NRXN3: variants seen among roughly 807,000 people sequenced by gnomAD.
The protein encoded by NRXN3 is neurexin III.
A neutral mutation model predicts 137.6 loss-of-function variants in NRXN3; 32 were observed. The observed-to-expected ratio is 0.23, with a 90% confidence interval of 0.18 to 0.31. NRXN3 has a LOEUF of 0.31. Among genes scored for constraint, NRXN3 ranks in the 10% least tolerant of loss-of-function variants. The probability of loss-of-function intolerance (pLI) is 1.00; values close to 1 mark genes in which losing one functional copy is unlikely to be tolerated. For synonymous variants in NRXN3, 798 were observed against 784.5 expected (o/e 1.02, Z -0.29); for missense variants, 1,574 against 2,062.5 (o/e 0.76, Z 4.59).
chr14:78,514,144 C>T (rs1025799920), intron 4 of NRXN3, among the ~76,000 whole-genome samples: 1 of 152,092 alleles, frequency 6.6e-6, no homozygotes, highest in African/African-American at 2.4e-5. Flanking sequence ...AACCAAGTGT[C>T]CAGGGTCTCC....
intron 2 of NRXN3, among the ~76,000 whole-genome samples, chr14:78,261,481 C>T (rs767313606): frequency 3.3e-5 from 5 of 152,140 alleles, no homozygotes; most frequent in Admixed American, 2.0e-4. Context: ...AAATCTATGA[C>T]CTCCAGGTAA....
intron 5 of NRXN3, among the ~76,000 whole-genome samples, chr14:78,649,579 TTA>T (rs2097720054): frequency 1.3e-5 from 2 of 150,792 alleles, no homozygotes; most frequent in South Asian, 4.3e-4. Context: ...TTTTTTTTTT[TTA>T]AATCTCTATT....
At chr14:79,629,844 CGTGT>C (rs746313928) in intron 16 of NRXN3, among the ~76,000 whole-genome samples, 14 of 113,400 alleles carry the variant, frequency 1.2e-4, no homozygotes, top group Admixed American at 1.1e-3. Context: ...TGTGTGTGTG[CGTGT>C]GTGTGTGTTA....
chr14:78,474,856 C>T (rs985307502), intron 4 of NRXN3, among the ~76,000 whole-genome samples: 6 of 152,204 alleles, frequency 3.9e-5, no homozygotes. Flanking sequence ...TTGCATCCTG[C>T]ATACATTTTA....
chr14:79,427,720 T>C (rs1326684108), intron 15 of NRXN3, among the ~76,000 whole-genome samples: 1 of 151,324 alleles, frequency 6.6e-6, no homozygotes. Context: ...TAATCCCGGC[T>C]ACTCAGGAGG....
rs149126784 is a variant in NRXN3, at chr14:79,206,998, C to A, written c.3262+218857C>A. On this transcript the variant is annotated intron_variant, in intron 15 of 20. Coordinates refer to ENST00000335750, the MANE Select transcript of NRXN3 (RefSeq NM_001330195.2). ...CAAGTTACAGATGTTAGCCTGTTCACAAACTTTCCCACATCCAGGGGCGAT... is the reference window on the plus strand; with the variant it reads ...CAAGTTACAGATGTTAGCCTGTTCAAAAACTTTCCCACATCCAGGGGCGAT... Among the ~76,000 whole-genome samples the A allele has an allele frequency of 3.9e-3, 595 of 152,298 alleles. 1 individual carries two copies. Among genetic ancestry groups the A allele is most frequent in the Non-Finnish European group, 6.2e-3 (423 of 68,032 alleles).
chr14:78,443,208 C>G (rs1284257650), intron 4 of NRXN3, among the ~76,000 whole-genome samples: 1 of 152,194 alleles, frequency 6.6e-6, no homozygotes, highest in Non-Finnish European at 1.5e-5. Flanking sequence ...TCAAGGTGTG[C>G]TCAAACTCAG....
intron 16 of NRXN3, among the ~76,000 whole-genome samples, chr14:79,646,534 T>C (rs1446342540): frequency 7.4e-6 from 1 of 135,744 alleles, no homozygotes; most frequent in Non-Finnish European, 1.7e-5. Context: ...GAGCTGGTTA[T>C]TCAGAGGCAG....
intron 12 of NRXN3, 24 bp from the exon 13 acceptor site, chr14:78,967,184 G>GTTTTTTTTTTTTTT: frequency 7.7e-6 from 11 of 1,421,226 alleles, no homozygotes; most frequent in Admixed American, 4.1e-5. Flanking sequence ...TCCAATTATT[G>GTTTTTTTTTTTTTT]TTTTTTTTTT....
At chr14:78,869,300 G>T (rs2085644212) in intron 10 of NRXN3, among the ~76,000 whole-genome samples, 1 of 152,082 alleles carries the variant, frequency 6.6e-6, no homozygotes, top group South Asian at 2.1e-4. Context: ...TCTAGGGTGA[G>T]CTCTTACTAT....
At chr14:79,738,314 G>C (rs554111863) in intron 19 of NRXN3, among the ~76,000 whole-genome samples, 2 of 66,396 alleles carry the variant, frequency 3.0e-5, no homozygotes, top group South Asian at 4.0e-4. Flanking sequence ...CATTTCCCCC[G>C]CCACACACAC....
At chr14:79,126,739 G>A (rs915048188) in intron 15 of NRXN3, among the ~76,000 whole-genome samples, 7 of 152,218 alleles carry the variant, frequency 4.6e-5, no homozygotes, top group African/African-American at 1.7e-4. Context: ...GGATCCCTGA[G>A]GAATCGCCAC....
chr14:78,471,989 G>A (rs749916023), intron 4 of NRXN3, among the ~76,000 whole-genome samples: 20 of 152,176 alleles, frequency 1.3e-4, no homozygotes, highest in Admixed American at 5.2e-4. Flanking sequence ...TCCCTGCTGA[G>A]AATCCCCGAA....
At chr14:78,387,584 G>A (rs948189310) in intron 4 of NRXN3, among the ~76,000 whole-genome samples, 8 of 152,310 alleles carry the variant, frequency 5.3e-5, no homozygotes, top group Middle Eastern at 3.4e-3. Flanking sequence ...TCCTGGCTGA[G>A]ACGTGGCCTA....
chr14:78,645,538 G>A (rs2097677877), intron 5 of NRXN3, 117 bp downstream of exon 5: 1 of 760,392 alleles, frequency 1.3e-6, no homozygotes, highest in Non-Finnish European at 2.0e-6. Flanking sequence ...GGATGGAGAT[G>A]TTAACGTCTA....
At chr14:79,420,815 G>A (rs1373393268) in intron 15 of NRXN3, among the ~76,000 whole-genome samples, 1 of 152,112 alleles carries the variant, frequency 6.6e-6, no homozygotes, top group African/African-American at 2.4e-5. Context: ...CTTGTTCAAG[G>A]CAGAGCAGAA....
At chr14:79,546,949 G>A (rs562265571) in intron 16 of NRXN3, among the ~76,000 whole-genome samples, 1 of 152,196 alleles carries the variant, frequency 6.6e-6, no homozygotes, top group South Asian at 2.1e-4. Context: ...ATAATAGAGA[G>A]GTGTAAAACA....
At position 79,601,175 on chromosome 14, in the gene NRXN3, T is replaced by A. The variant is rs117786612; in HGVS notation, c.3445-62603T>A. ...TCTCCTGCCTCAGCCTCCTGAAAGC[T>A]GAGATCACAGGTACACGCCACCACG... On this transcript the variant is annotated intron_variant, in intron 16 of 20. Transcript: ENST00000335750. Among the ~76,000 whole-genome samples the A allele has an allele frequency of 6.5e-3, 982 of 151,270 alleles. 4 individuals are homozygous for A. Among genetic ancestry groups the A allele is most frequent in the Non-Finnish European group, 0.011 (759 of 67,854 alleles).
chr14:78,204,776 C>T (rs553432788), intron 1 of NRXN3, among the ~76,000 whole-genome samples: 1 of 152,272 alleles, frequency 6.6e-6, no homozygotes, highest in African/African-American at 2.4e-5. Flanking sequence ...TGTAATCCTA[C>T]ACAAAACAAA....
Sources: gnomAD v4.1 joint callset for allele counts (sites outside exome capture counted in the v4.1 genomes callset) on GRCh38, gnomAD v4.1.1 for gene constraint, MANE v1.5 for transcripts, NCBI Gene and HGNC (gene_info 2026-07-23, HGNC 2026-07-21) for gene names.